DLGAP1: variants seen among roughly 807,000 people sequenced by gnomAD.
The protein encoded by DLGAP1 is DLG associated protein 1, also known as disks large-associated protein 1.
DLGAP1 carries 11 observed loss-of-function variants against 90.8 expected under a neutral mutation model. The observed-to-expected ratio is 0.12, with a 90% CI of 0.08 to 0.20. The LOEUF is 0.20. Among genes scored for constraint, DLGAP1 ranks in the 10% least tolerant of loss-of-function variants. DLGAP1 has a pLI of 1.00. For synonymous variants in DLGAP1, 558 were observed against 540.7 expected (o/e 1.03, Z -0.44); for missense variants, 1,050 against 1,333.8 (o/e 0.79, Z 3.31).
intron 1 of DLGAP1, among the ~76,000 whole-genome samples, chr18:4,282,136 G>C (rs1308769073): frequency 6.6e-6 from 1 of 152,084 alleles, no homozygotes. Context: ...AGGCCGAGGC[G>C]GGCGGATCAC....
chr18:4,317,787 GCCAT>G (rs2080569706), intron 1 of DLGAP1, among the ~76,000 whole-genome samples: 1 of 152,168 alleles, frequency 6.6e-6, no homozygotes, highest in African/African-American at 2.4e-5. Context: ...AACAGCTATT[GCCAT>G]TGGGCAGTTA....
Position 3,497,024 on chromosome 18 carries a change from A to T in DLGAP1, c.*2161T>A, listed in dbSNP as rs2143517076. On this transcript the variant is annotated 3_prime_UTR_variant, in exon 13 of 13. Transcript: ENST00000315677. ...TTGTAGGATGATCTTGAGTCGTATT[A>T]GAAATCTATTTCTTAATCCAAATCT... The T allele has an allele frequency of 6.6e-6, 1 of 152,340 alleles. No individual in the cohort carries two copies. Among genetic ancestry groups the T allele is most frequent in the East Asian group, 1.9e-4 (1 of 5,186 alleles). The allele number at this position is 152,340 out of a possible 1,614,324, so 9.4% of individuals were successfully genotyped here.
In DLGAP1 at chr18:3,814,214, G is replaced by A. The variant is rs1323514969; in HGVS notation, c.1017C>T (p.Cys339=). The A allele has an allele frequency of 6.2e-7, 1 of 1,614,080 alleles. No homozygotes were observed. The highest frequency in any genetic ancestry group is 2.2e-5 in the East Asian group (1 of 44,870). The change falls in exon 5 of 13, where the codon TGC becomes TGT. Residue 339 remains cysteine, a synonymous_variant. Coordinates refer to ENST00000315677, the MANE Select transcript of DLGAP1 (RefSeq NM_004746.4). ...TATAACTGCCACTCCGCATTCTTCG[G>A]CATGGAATTTCATCATCTTTACCTC... is the stretch of plus-strand genomic sequence containing the variant. ...TPRGKDDEIP[C]RRMRSGSYIK... is the part of the protein sequence containing the mutation.
chr18:4,418,748 T>C (rs2082961565), intron 1 of DLGAP1, among the ~76,000 whole-genome samples: 1 of 151,466 alleles, frequency 6.6e-6, no homozygotes, highest in Non-Finnish European at 1.5e-5. Flanking sequence ...GACATGTAAA[T>C]AGAATAACAG....
intron 2 of DLGAP1, among the ~76,000 whole-genome samples, chr18:4,139,341 G>A (rs948310799): frequency 2.0e-5 from 3 of 151,752 alleles, no homozygotes; most frequent in African/African-American, 7.3e-5. Flanking sequence ...TTTGTTTCAC[G>A]ACATATTTAA....
intron 9 of DLGAP1, among the ~76,000 whole-genome samples, chr18:3,566,382 A>T (rs1422152697): frequency 6.6e-6 from 1 of 151,832 alleles, no homozygotes; most frequent in Non-Finnish European, 1.5e-5. Context: ...TTATACACAC[A>T]CACACACTAT....
intron 1 of DLGAP1, among the ~76,000 whole-genome samples, chr18:4,193,023 T>C (rs2077430401): frequency 6.6e-6 from 1 of 152,268 alleles, no homozygotes; most frequent in Admixed American, 6.5e-5. Context: ...CCTTTCTTTA[T>C]GGACATTCAC....
intron 1 of DLGAP1, among the ~76,000 whole-genome samples, chr18:4,164,508 C>T (rs953628259): frequency 1.8e-4 from 27 of 151,928 alleles, no homozygotes; most frequent in Admixed American, 7.9e-4. Flanking sequence ...GGTGAAACCC[C>T]GTCCCTACTA....
chr18:4,089,229 G>T (rs186255388), intron 2 of DLGAP1, among the ~76,000 whole-genome samples: 3 of 152,032 alleles, frequency 2.0e-5, no homozygotes, highest in Admixed American at 2.0e-4. Context: ...AAAATACCTA[G>T]GAATACAACT....
intron 7 of DLGAP1, among the ~76,000 whole-genome samples, chr18:3,648,734 C>G (rs1277487038): frequency 1.3e-5 from 2 of 152,122 alleles, no homozygotes; most frequent in African/African-American, 4.8e-5. Context: ...TGAAAACTTT[C>G]ACTAGACTGC....
chr18:3,714,230 G>A (rs1216094305), intron 7 of DLGAP1, among the ~76,000 whole-genome samples: 2 of 152,146 alleles, frequency 1.3e-5, no homozygotes, highest in African/African-American at 2.4e-5. Context: ...GCAAAACAAC[G>A]TATGATTTTC....
chr18:3,728,300 T>TTATATA (rs200480157), intron 7 of DLGAP1, among the ~76,000 whole-genome samples: 2,197 of 123,520 alleles, frequency 0.018, 22 homozygotes, highest in East Asian at 0.03. Flanking sequence ...AACGCAAATG[T>TTATATA]TATATATATA....
intron 1 of DLGAP1, among the ~76,000 whole-genome samples, chr18:4,225,034 G>A (rs1011102637): frequency 7.2e-5 from 11 of 151,970 alleles, no homozygotes; most frequent in Non-Finnish European, 1.3e-4. Flanking sequence ...CAGATACTCT[G>A]TTTCTTTGGG....
In DLGAP1 at chr18:3,789,615, G is replaced by A. The variant is rs372461370; in HGVS notation, c.1172+24444C>T. Among the ~76,000 whole-genome samples, 52 of 152,194 alleles carry A rather than the reference G, an allele frequency of 3.4e-4. 1 individual carries two copies. The highest frequency in any genetic ancestry group is 1.2e-3 in the African/African-American group (48 of 41,452). On this transcript the variant is annotated intron_variant, in intron 5 of 12. Transcript: ENST00000315677. ...CCCAAAAGACACTGAGAAAATGTCT[G>A]ATTTTTAGGAAGAGAGCAAAGAGAG...
intron 1 of DLGAP1, among the ~76,000 whole-genome samples, chr18:4,437,745 T>C (rs1325772366): frequency 6.6e-6 from 1 of 152,228 alleles, no homozygotes; most frequent in African/African-American, 2.4e-5. Flanking sequence ...TTTAAAAGAT[T>C]ATATGCAAAC....
At chr18:4,258,008 T>G (rs200862351) in intron 1 of DLGAP1, among the ~76,000 whole-genome samples, 1 of 140,848 alleles carries the variant, frequency 7.1e-6, no homozygotes, top group African/African-American at 3.1e-5. Context: ...TGTGTGTGTG[T>G]GTGCGCGCGC....
At chr18:4,153,475 A>G (rs545340516) in intron 1 of DLGAP1, among the ~76,000 whole-genome samples, 116 of 152,118 alleles carry the variant, frequency 7.6e-4, no homozygotes, top group African/African-American at 2.6e-3. Flanking sequence ...CTGATTCTCC[A>G]TTTTCTTTTC....
intron 7 of DLGAP1, among the ~76,000 whole-genome samples, chr18:3,676,666 C>A (rs969568582): frequency 6.8e-6 from 1 of 147,468 alleles, no homozygotes; most frequent in Non-Finnish European, 1.5e-5. Flanking sequence ...CCCTCAAGAC[C>A]TTGCCAATTT....
intron 3 of DLGAP1, among the ~76,000 whole-genome samples, chr18:3,947,104 C>A (rs932962188): frequency 2.0e-5 from 3 of 152,224 alleles, no homozygotes; most frequent in Admixed American, 1.3e-4. Flanking sequence ...CTAAACCCAC[C>A]GTTTTTTCCT....
Sources: gnomAD v4.1 joint callset for allele counts (sites outside exome capture counted in the v4.1 genomes callset) on GRCh38, gnomAD v4.1.1 for gene constraint, MANE v1.5 for transcripts, NCBI Gene and HGNC (gene_info 2026-07-23, HGNC 2026-07-21) for gene names.